Variants in CPQ observed in about 807,000 individuals in gnomAD.
The protein encoded by CPQ is carboxypeptidase Q.
CPQ carries 37 observed loss-of-function variants against 45.7 expected under a neutral mutation model. The observed-to-expected ratio is 0.81, with a 90% confidence interval of 0.62 to 1.07. The LOEUF (loss-of-function observed/expected upper bound fraction) is 1.07. Ranked by LOEUF, CPQ falls within the 50% of genes least tolerant of loss-of-function variation. The probability of loss-of-function intolerance (pLI) is 0.00; values close to 1 mark genes in which losing one functional copy is unlikely to be tolerated. For synonymous variants in CPQ, 186 were observed against 205.8 expected (o/e 0.90, Z 0.82); for missense variants, 537 against 572.9 (o/e 0.94, Z 0.64).
chr8:96,890,966 G>A (rs1812364905), intron 4 of CPQ, among the ~76,000 whole-genome samples: 2 of 152,154 alleles, frequency 1.3e-5, no homozygotes, highest in South Asian at 4.1e-4. Flanking sequence ...GCCTTCTGGA[G>A]AACTTCACTC....
intron 7 of CPQ, among the ~76,000 whole-genome samples, chr8:97,089,572 A>G (rs1461667614): frequency 1.3e-5 from 2 of 152,214 alleles, no homozygotes; most frequent in Non-Finnish European, 1.5e-5. Context: ...TTTTAAAAAA[A>G]ATTACTCTTG....
chr8:97,030,198 G>A (rs916291993), intron 6 of CPQ, among the ~76,000 whole-genome samples: 10 of 152,182 alleles, frequency 6.6e-5, no homozygotes, highest in South Asian at 6.2e-4. Flanking sequence ...CAAAATCAAC[G>A]CGCATATGCT....
intron 1 of CPQ, among the ~76,000 whole-genome samples, chr8:96,758,947 C>G (rs1032819572): frequency 1.9e-4 from 29 of 152,164 alleles, no homozygotes; most frequent in African/African-American, 6.3e-4. Flanking sequence ...ATAAGCTGAT[C>G]AGCTTAATGA....
chr8:96,890,985 C>T (rs535099412), intron 4 of CPQ, among the ~76,000 whole-genome samples: 2 of 152,168 alleles, frequency 1.3e-5, no homozygotes, highest in Non-Finnish European at 2.9e-5. Context: ...TCGAGCCCTG[C>T]AAAGCCCTGC....
chr8:97,101,464 T>A (rs1325385006), intron 7 of CPQ, among the ~76,000 whole-genome samples: 2 of 151,574 alleles, frequency 1.3e-5, no homozygotes, highest in Non-Finnish European at 2.9e-5. Flanking sequence ...ATGTAGAAGA[T>A]ATACTATCTC....
At chr8:96,740,317 C>T (rs1016730951) in intron 1 of CPQ, among the ~76,000 whole-genome samples, 3 of 152,064 alleles carry the variant, frequency 2.0e-5, no homozygotes, top group African/African-American at 7.2e-5. Flanking sequence ...GATTTTTTAT[C>T]CTGAGACTTT....
At chr8:96,679,259 G>A (rs1236040438) in intron 1 of CPQ, among the ~76,000 whole-genome samples, 3 of 152,060 alleles carry the variant, frequency 2.0e-5, no homozygotes, top group Non-Finnish European at 2.9e-5. Flanking sequence ...GCATCCCTGG[G>A]ATAAATTCCA....
At chr8:96,772,715 T>A (rs1393950807) in intron 1 of CPQ, among the ~76,000 whole-genome samples, 22 of 152,190 alleles carry the variant, frequency 1.4e-4, no homozygotes. Context: ...AGATGTCAGA[T>A]ATGATAGAAA....
chr8:97,048,372 C>A (rs1360022754), intron 6 of CPQ, among the ~76,000 whole-genome samples: 1 of 152,172 alleles, frequency 6.6e-6, no homozygotes, highest in Non-Finnish European at 1.5e-5. Flanking sequence ...AAGGAAGGAT[C>A]AATGACTGGG....
At chr8:96,874,127 T>C (rs1211911706) in intron 3 of CPQ, among the ~76,000 whole-genome samples, 1 of 151,824 alleles carries the variant, frequency 6.6e-6, no homozygotes, top group African/African-American at 2.4e-5. Flanking sequence ...TATTTGTTCA[T>C]GTTCATTTTA....
intron 7 of CPQ, among the ~76,000 whole-genome samples, chr8:97,095,310 C>T (rs1184201777): frequency 1.3e-5 from 2 of 152,154 alleles, no homozygotes; most frequent in Non-Finnish European, 2.9e-5. Context: ...TAGAAATTAT[C>T]GTCCAAGTCG....
chr8:96,836,176 A>G (rs1489103206), intron 3 of CPQ, among the ~76,000 whole-genome samples: 1 of 152,166 alleles, frequency 6.6e-6, no homozygotes, highest in African/African-American at 2.4e-5. Context: ...TATCTATTGG[A>G]AAGGGAAGTT....
chr8:96,762,835 T>A (rs940861481), intron 1 of CPQ, among the ~76,000 whole-genome samples: 17 of 152,226 alleles, frequency 1.1e-4, no homozygotes, highest in Non-Finnish European at 2.2e-4. Context: ...ATTTAGAGTT[T>A]TAAATTTAGG....
At chr8:96,948,676 T>G (rs926346501) in intron 4 of CPQ, among the ~76,000 whole-genome samples, 16 of 152,142 alleles carry the variant, frequency 1.1e-4, no homozygotes, top group African/African-American at 3.9e-4. Flanking sequence ...ATAATATTAT[T>G]CATGTCCTCT....
Position 96,750,793 on chromosome 8 carries a change from G to A in CPQ, c.-34-34071G>A, listed in dbSNP as rs113622683. On this transcript the variant is annotated intron_variant, in intron 1 of 7. Coordinates refer to ENST00000220763, the MANE Select transcript of CPQ (RefSeq NM_016134.4). Reference sequence around the variant, plus strand: ...CCTGATGCTCTTCCTCCCCTGAACCGCTCTCCCAATAGGCCCCAATATGTG... The same window carrying A: ...CCTGATGCTCTTCCTCCCCTGAACCACTCTCCCAATAGGCCCCAATATGTG... Among the ~76,000 whole-genome samples the A allele has an allele frequency of 3.2e-3, 490 of 151,850 alleles. 5 individuals are homozygous for A. Among genetic ancestry groups the A allele is most frequent in the African/African-American group, 0.011 (463 of 41,434 alleles).
chr8:96,821,796 G>A (rs1013436559), intron 2 of CPQ, among the ~76,000 whole-genome samples: 2 of 151,530 alleles, frequency 1.3e-5, no homozygotes, highest in South Asian at 4.2e-4. Context: ...TTTTTAATTA[G>A]ACAAGTAAAA....
At chr8:97,122,956 TAAAA>T (rs1563586827) in intron 7 of CPQ, among the ~76,000 whole-genome samples, 25 of 57,714 alleles carry the variant, frequency 4.3e-4, no homozygotes, top group Admixed American at 1.8e-3. Flanking sequence ...TAAAATAAAA[TAAAA>T]TAAAATAAAA....
At chr8:97,044,236 A>T (rs1409494198) in intron 6 of CPQ, among the ~76,000 whole-genome samples, 2 of 151,924 alleles carry the variant, frequency 1.3e-5, no homozygotes, top group African/African-American at 2.4e-5. Context: ...CATTCATTTC[A>T]TCTTCCATCA....
At chr8:97,058,583 C>T (rs1290652045) in intron 6 of CPQ, among the ~76,000 whole-genome samples, 1 of 152,100 alleles carries the variant, frequency 6.6e-6, no homozygotes. Context: ...GTGGGTATAA[C>T]AGGAAAGACT....
Sources: gnomAD v4.1 joint callset for allele counts (sites outside exome capture counted in the v4.1 genomes callset) on GRCh38, gnomAD v4.1.1 for gene constraint, MANE v1.5 for transcripts, NCBI Gene and HGNC (gene_info 2026-07-23, HGNC 2026-07-21) for gene names.